The following PAPPA2 variants were observed in gnomAD, a reference collection of about 807,000 sequenced individuals.
The protein encoded by PAPPA2 is pappalysin-2.
A neutral mutation model predicts 176.4 loss-of-function variants in PAPPA2; 86 were observed. The observed-to-expected ratio is 0.49, with a 90% CI of 0.41 to 0.58. The LOEUF (loss-of-function observed/expected upper bound fraction) is 0.58, where lower values mean the gene tolerates loss of function less well. Among genes scored for constraint, PAPPA2 ranks in the 20% least tolerant of loss-of-function variants. PAPPA2 has a pLI of 0.00. For synonymous variants in PAPPA2, 809 were observed against 852.2 expected (o/e 0.95, Z 0.88); for missense variants, 2,073 against 2,256.9 (o/e 0.92, Z 1.65).
chr1:176,687,692 G>T (rs935402623), intron 4 of PAPPA2, among the ~76,000 whole-genome samples: 1 of 151,914 alleles, frequency 6.6e-6, no homozygotes, highest in African/African-American at 2.4e-5. Context: ...GGGGATATTT[G>T]ATGTTTGCTC....
chr1:176,797,082 C>A (rs1665475947), intron 20 of PAPPA2, among the ~76,000 whole-genome samples: 1 of 152,188 alleles, frequency 6.6e-6, no homozygotes, highest in South Asian at 2.1e-4. Context: ...CAAGAAGTTG[C>A]TTGCTAATAG....
At position 176,769,735 on chromosome 1, in the gene PAPPA2, A is replaced by T; in HGVS notation, c.4452A>T (p.Lys1484Asn). The change falls in exon 16 of 23, where the codon AAA becomes AAT. Residue 1484 changes from lysine to asparagine, a missense_variant. Coordinates refer to ENST00000367662, the MANE Select transcript of PAPPA2 (RefSeq NM_020318.3). Reference sequence around the variant, plus strand: ...ACTTCTCCTGCTCAGAGGGAACCAAATTTCTGAAACGCTGCTCAATCTCTT... The same window carrying T: ...ACTTCTCCTGCTCAGAGGGAACCAATTTTCTGAAACGCTGCTCAATCTCTT... ...YANFSCSEGT[K>N]FLKRCSISCV... 1 of 1,613,080 alleles carries T rather than the reference A, an allele frequency of 6.2e-7. No individual in the cohort carries two copies. Among genetic ancestry groups the T allele is most frequent in the Non-Finnish European group, 8.5e-7 (1 of 1,179,772 alleles).
chr1:176,523,980 G>A lies in PAPPA2; in HGVS notation c.-916-31427G>A, dbSNP rs569292856. ...TTGATTGCCACCCTGTTAGGTGACC[G>A]TGATGTTTTAGACCCTGTAATATAT... On this transcript the variant is annotated intron_variant, in intron 1 of 22. Transcript: ENST00000367662. Among the ~76,000 whole-genome samples the A allele has an allele frequency of 4.6e-5, 7 of 152,270 alleles. No individual in the cohort carries two copies. In the South Asian group the frequency reaches 6.2e-4, roughly 14 times the overall value.
chr1:176,584,984 C>T (rs1344590997), intron 2 of PAPPA2, among the ~76,000 whole-genome samples: 1 of 152,182 alleles, frequency 6.6e-6, no homozygotes, highest in African/African-American at 2.4e-5. Flanking sequence ...GTAATCTACC[C>T]ACCTTGGCCT....
At chr1:176,490,725 G>C (rs544005632) in intron 1 of PAPPA2, among the ~76,000 whole-genome samples, 5 of 152,096 alleles carry the variant, frequency 3.3e-5, no homozygotes, top group Non-Finnish European at 5.9e-5. Flanking sequence ...CTCCCTTATG[G>C]CTCAGTTCTC....
intron 3 of PAPPA2, among the ~76,000 whole-genome samples, chr1:176,596,451 G>A (rs1653990716): frequency 6.6e-6 from 1 of 152,104 alleles, no homozygotes; most frequent in Non-Finnish European, 1.5e-5. Context: ...ATATTCCCAT[G>A]GTGGGCTCTC....
At chr1:176,806,230 T>C (rs1665904866) in intron 21 of PAPPA2, among the ~76,000 whole-genome samples, 1 of 152,146 alleles carries the variant, frequency 6.6e-6, no homozygotes, top group Non-Finnish European at 1.5e-5. Context: ...GTCTCATCTA[T>C]CACATATTTC....
chr1:176,629,948 A>C (rs1221943684), intron 3 of PAPPA2, among the ~76,000 whole-genome samples: 1 of 151,952 alleles, frequency 6.6e-6, no homozygotes, highest in African/African-American at 2.4e-5. Context: ...AATCCCAGCT[A>C]CTCTGGAGGC....
At chr1:176,825,260 T>C (rs976000081) in intron 21 of PAPPA2, among the ~76,000 whole-genome samples, 3 of 152,216 alleles carry the variant, frequency 2.0e-5, no homozygotes, top group African/African-American at 4.8e-5. Flanking sequence ...AATGCCCTGA[T>C]GCACAGAGCC....
At chr1:176,475,609 C>G (rs957663808) in intron 1 of PAPPA2, among the ~76,000 whole-genome samples, 1 of 152,186 alleles carries the variant, frequency 6.6e-6, no homozygotes, top group Non-Finnish European at 1.5e-5. Context: ...AAATGCCAGA[C>G]ATATTTACTT....
intron 1 of PAPPA2, among the ~76,000 whole-genome samples, chr1:176,489,140 A>T (rs1652783116): frequency 6.6e-6 from 1 of 152,184 alleles, no homozygotes; most frequent in Non-Finnish European, 1.5e-5. Context: ...AATGTAACAA[A>T]AAGATAAGTT....
At chr1:176,804,094 A>T (rs1453415129) in intron 21 of PAPPA2, among the ~76,000 whole-genome samples, 2 of 152,206 alleles carry the variant, frequency 1.3e-5, no homozygotes, top group South Asian at 4.1e-4. Context: ...TACAGTGAAG[A>T]TAAATGAGAT....
chr1:176,667,929 T>C (rs1658761642), intron 3 of PAPPA2, among the ~76,000 whole-genome samples: 1 of 152,154 alleles, frequency 6.6e-6, no homozygotes, highest in African/African-American at 2.4e-5. Context: ...TAGTTGAAGT[T>C]TGCGTGTACA....
intron 2 of PAPPA2, among the ~76,000 whole-genome samples, chr1:176,562,662 A>G (rs920405975): frequency 6.6e-6 from 1 of 152,206 alleles, no homozygotes; most frequent in Admixed American, 6.5e-5. Flanking sequence ...TGGACGACCC[A>G]TGGATGTGAG....
intron 6 of PAPPA2, among the ~76,000 whole-genome samples, chr1:176,692,993 AC>A (rs1660190031): frequency 6.6e-6 from 1 of 152,206 alleles, no homozygotes; most frequent in Non-Finnish European, 1.5e-5. Flanking sequence ...TACACCTAAA[AC>A]TAACTTTCAT....
At chr1:176,837,570 C>A (rs1474938204) in intron 21 of PAPPA2, among the ~76,000 whole-genome samples, 5 of 150,876 alleles carry the variant, frequency 3.3e-5, no homozygotes, top group Non-Finnish European at 7.4e-5. Flanking sequence ...TGACCCTTAC[C>A]AGGATAAGCT....
intron 12 of PAPPA2, among the ~76,000 whole-genome samples, chr1:176,715,747 T>TAAGA (rs1341527154): frequency 2.0e-5 from 3 of 152,218 alleles, no homozygotes; most frequent in African/African-American, 7.2e-5. Flanking sequence ...GGGGCAGTAA[T>TAAGA]AAGACTAGCA....
intron 20 of PAPPA2, among the ~76,000 whole-genome samples, chr1:176,796,056 C>G (rs969107706): frequency 1.3e-5 from 2 of 152,232 alleles, no homozygotes; most frequent in African/African-American, 4.8e-5. Context: ...TTCCCTCTGG[C>G]TCTTAATGCT....
chr1:176,566,912 C>T (rs1449323213), intron 2 of PAPPA2, among the ~76,000 whole-genome samples: 8 of 152,120 alleles, frequency 5.3e-5, no homozygotes, highest in Admixed American at 5.2e-4. Flanking sequence ...AGTTTGGCTC[C>T]TGAGCCTGTA....
Sources: allele counts gnomAD v4.1 joint callset (sites outside exome capture counted in the v4.1 genomes callset), GRCh38; gene constraint gnomAD v4.1.1; transcripts MANE v1.5; gene names NCBI Gene and HGNC (gene_info 2026-07-23, HGNC 2026-07-21).